The following RIT2 variants were observed in gnomAD, a reference collection of about 807,000 sequenced individuals.
RIT2 encodes Ras like without CAAX 2, also known as GTP-binding protein Rit2.
Under a neutral mutation model 23.7 loss-of-function variants are expected in RIT2, and 24 were observed. The observed-to-expected ratio is 1.01, with a 90% CI of 0.73 to 1.43. The LOEUF (loss-of-function observed/expected upper bound fraction) is 1.43, where lower values mean the gene tolerates loss of function less well. Among genes scored for constraint, RIT2 ranks in the 40% most tolerant of loss-of-function variants. The pLI is 0.00. For missense variants in RIT2, 236 were observed against 266.9 expected (o/e 0.88, Z 0.81); for synonymous variants, 107 against 91.1 (o/e 1.17, Z -0.99).
intron 1 of RIT2, among the ~76,000 whole-genome samples, chr18:43,040,687 G>T (rs1912106931): frequency 6.6e-6 from 1 of 152,132 alleles, no homozygotes; most frequent in South Asian, 2.1e-4. Context: ...ACTATGAGAT[G>T]GGGGTGCATG....
At chr18:42,905,802 T>C (rs1908598300) in intron 4 of RIT2, among the ~76,000 whole-genome samples, 1 of 151,050 alleles carries the variant, frequency 6.6e-6, no homozygotes, top group Non-Finnish European at 1.5e-5. Context: ...ATTGGCTATA[T>C]CTGCTCTAAA....
At chr18:42,807,633 A>G (rs1398094860) in intron 4 of RIT2, among the ~76,000 whole-genome samples, 1 of 152,216 alleles carries the variant, frequency 6.6e-6, no homozygotes, top group South Asian at 2.1e-4. Context: ...AAAACAAAAC[A>G]AAACAAAACA....
intron 4 of RIT2, among the ~76,000 whole-genome samples, chr18:42,883,388 T>C (rs1055423262): frequency 3.3e-5 from 5 of 152,218 alleles, no homozygotes; most frequent in African/African-American, 1.2e-4. Context: ...GTTCCATCTA[T>C]GACTACGTTA....
intron 1 of RIT2, among the ~76,000 whole-genome samples, chr18:43,068,012 T>G (rs555443700): frequency 6.6e-6 from 1 of 152,288 alleles, no homozygotes; most frequent in South Asian, 2.1e-4. Flanking sequence ...GTGTAAGGCC[T>G]GTGAGATATT....
chr18:42,837,523 T>A (rs1236003443), intron 4 of RIT2, among the ~76,000 whole-genome samples: 1 of 152,128 alleles, frequency 6.6e-6, no homozygotes, highest in African/African-American at 2.4e-5. Flanking sequence ...ATGCTGATCA[T>A]ATGCAGTTTA....
At chr18:43,083,906 C>A (rs1308111601) in intron 1 of RIT2, among the ~76,000 whole-genome samples, 3 of 152,110 alleles carry the variant, frequency 2.0e-5, no homozygotes, top group African/African-American at 4.8e-5. Context: ...AATGAAAGGG[C>A]TTCTGCACAG....
At chr18:42,781,268 A>T (rs1913805701) in intron 4 of RIT2, among the ~76,000 whole-genome samples, 1 of 152,182 alleles carries the variant, frequency 6.6e-6, no homozygotes, top group African/African-American at 2.4e-5. Flanking sequence ...TATATTCTAC[A>T]AGATCAAATA....
chr18:42,843,074 T>C (rs1906811316), intron 4 of RIT2, among the ~76,000 whole-genome samples: 1 of 152,182 alleles, frequency 6.6e-6, no homozygotes, highest in South Asian at 2.1e-4. Flanking sequence ...TTCTAAGCAT[T>C]GGGAATATAA....
At chr18:43,111,472 T>G (rs1913951462) in intron 1 of RIT2, among the ~76,000 whole-genome samples, 1 of 152,122 alleles carries the variant, frequency 6.6e-6, no homozygotes. Flanking sequence ...CACAAATAAA[T>G]GATGAATGTT....
intron 4 of RIT2, among the ~76,000 whole-genome samples, chr18:42,876,183 T>A (rs530779703): frequency 2.6e-5 from 4 of 152,114 alleles, no homozygotes; most frequent in African/African-American, 9.6e-5. Flanking sequence ...ACTTTTAGTA[T>A]AGAAATTAGA....
At chr18:43,011,618 A>G (rs1466194819) in intron 2 of RIT2, among the ~76,000 whole-genome samples, 1 of 151,848 alleles carries the variant, frequency 6.6e-6, no homozygotes, top group African/African-American at 2.4e-5. Context: ...TCCTGAAAAT[A>G]AAATATTCCT....
At chr18:42,780,583 A>T (rs2143931113) in intron 4 of RIT2, among the ~76,000 whole-genome samples, 1 of 152,294 alleles carries the variant, frequency 6.6e-6, no homozygotes, top group East Asian at 1.9e-4. Context: ...AAAGAAACAT[A>T]TTTTGAGGTA....
At chr18:42,792,245 T>C (rs1914060586) in intron 4 of RIT2, among the ~76,000 whole-genome samples, 1 of 152,184 alleles carries the variant, frequency 6.6e-6, no homozygotes, top group Non-Finnish European at 1.5e-5. Flanking sequence ...AATTCAACTT[T>C]ATTTGGGTGC....
intron 4 of RIT2, among the ~76,000 whole-genome samples, chr18:42,778,440 A>G (rs1243041337): frequency 3.9e-5 from 6 of 152,222 alleles, no homozygotes; most frequent in Admixed American, 3.9e-4. Flanking sequence ...TTATCTATAA[A>G]TATCTACTGG....
At chr18:43,041,672 T>C (rs1912131817) in intron 1 of RIT2, among the ~76,000 whole-genome samples, 1 of 152,190 alleles carries the variant, frequency 6.6e-6, no homozygotes, top group Non-Finnish European at 1.5e-5. Flanking sequence ...ACGTCTTTTT[T>C]CATGCACATA....
chr18:42,839,801 C>A (rs1186504967), intron 4 of RIT2, among the ~76,000 whole-genome samples: 1 of 152,142 alleles, frequency 6.6e-6, no homozygotes, highest in African/African-American at 2.4e-5. Context: ...AAAATGCTGA[C>A]CCACAACCTT....
intron 4 of RIT2, among the ~76,000 whole-genome samples, chr18:42,898,164 G>A (rs1209521797): frequency 6.6e-6 from 1 of 152,162 alleles, no homozygotes; most frequent in East Asian, 1.9e-4. Context: ...CACTTTGGGA[G>A]GGTGAGGCAG....
intron 4 of RIT2, among the ~76,000 whole-genome samples, chr18:42,870,579 CA>C (rs1907595566): frequency 6.6e-6 from 1 of 152,084 alleles, no homozygotes; most frequent in South Asian, 2.1e-4. Context: ...ACAACATTCT[CA>C]AAAGGTATGA....
intron 4 of RIT2, among the ~76,000 whole-genome samples, chr18:42,814,107 C>T (rs115881790): frequency 0.016 from 2,462 of 152,286 alleles, 75 homozygotes; most frequent in African/African-American, 0.057. Flanking sequence ...TCTGCCTGGC[C>T]TTACAGGGGT....
Sources: gnomAD v4.1 joint callset for allele counts (sites outside exome capture counted in the v4.1 genomes callset) on GRCh38, gnomAD v4.1.1 for gene constraint, MANE v1.5 for transcripts, NCBI Gene and HGNC (gene_info 2026-07-23, HGNC 2026-07-21) for gene names.